The following UGT2B28 variants were observed in gnomAD, a reference collection of about 807,000 sequenced individuals.
The protein encoded by UGT2B28 is UDP-glucuronosyltransferase 2B28.
A neutral mutation model predicts 43.6 loss-of-function variants in UGT2B28; 45 were observed. The ratio of observed to expected loss-of-function variants is 1.03; its 90% confidence interval spans 0.81 to 1.32. UGT2B28 has a LOEUF of 1.32. UGT2B28 is among the 40% of genes most tolerant of loss of function. The pLI is 0.00. For missense variants in UGT2B28, 649 were observed against 625.5 expected (o/e 1.04, Z -0.40); for synonymous variants, 204 against 208.1 (o/e 0.98, Z 0.17).
At chr4:69,291,458 C>T (rs1229908926) in intron 5 of UGT2B28, among the ~76,000 whole-genome samples, 1 of 140,924 alleles carries the variant, frequency 7.1e-6, no homozygotes. Context: ...CTAGATATTT[C>T]ATATAAACGG....
At position 69,287,223 on chromosome 4, in the gene UGT2B28, C is replaced by G. The variant is rs1239788782; in HGVS notation, c.1002+340C>G. The stretch of plus-strand genomic sequence containing the variant: ...GTCATACATATGGCTGAAATTAACT[C>G]AATATATTTCAGGTAAGTGAAAATG... On this transcript the variant is annotated intron_variant, in intron 3 of 5. Coordinates refer to ENST00000335568, the MANE Select transcript of UGT2B28 (RefSeq NM_053039.2). Among the ~76,000 whole-genome samples, 6 of 140,740 alleles carry G rather than the reference C, an allele frequency of 4.3e-5. 1 individual carries two copies. The East Asian group carries it at 1.0e-3, about 24-fold the overall frequency. 92.3% of individuals were successfully genotyped at this position (140,740 alleles called of 152,430 possible).
intron 2 of UGT2B28, among the ~76,000 whole-genome samples, chr4:69,284,883 G>A (rs1288679407): frequency 1.4e-5 from 2 of 139,896 alleles, no homozygotes; most frequent in East Asian, 2.0e-4. Context: ...TTTTAAAAAT[G>A]CGTATTGTTA....
chr4:69,294,782 A>G lies in UGT2B28; in HGVS notation c.1563A>G (p.Arg521=). The G allele has an allele frequency of 3.9e-6, 6 of 1,558,394 alleles. No individual in the cohort carries two copies. Among genetic ancestry groups the G allele is most frequent in the Non-Finnish European group, 5.2e-6 (6 of 1,154,590 alleles). The change falls in exon 6 of 6, where the codon AGA becomes AGG. Residue 521 remains arginine (R), a synonymous_variant. Transcript: ENST00000335568. The part of the protein sequence containing the change: ...FCLFCFWKFA[R]KGKKGKRD ...TGTTTTGTTTCTGGAAGTTTGCTAG[A>G]AAAGGGAAGAAGGGAAAAAGAGATT...
chr4:69,290,727 A>G lies in UGT2B28; in HGVS notation c.1226A>G (p.Lys409Arg). ...QPDNIAHMKAKGAAVRLDFHT... is the reference protein window; with the variant it reads ...QPDNIAHMKARGAAVRLDFHT... ...GATAACATTGCTCACATGAAGGCCA[A>G]GGGAGCAGCTGTTAGACTGGACTTC... Residue 409 changes from lysine (K) to arginine (R), a missense_variant, in exon 5 of 6, where the codon AAG (lysine) becomes AGG (arginine). Lys to Arg is a conservative substitution (Grantham distance 26, BLOSUM62 2). Transcript: ENST00000335568. The G allele has an allele frequency of 6.4e-7, 1 of 1,559,776 alleles. No individual in the cohort carries two copies. The highest frequency in any genetic ancestry group is 8.7e-7 in the Non-Finnish European group (1 of 1,155,288).
intron 2 of UGT2B28, among the ~76,000 whole-genome samples, chr4:69,285,215 T>C (rs1309440623): frequency 2.1e-5 from 3 of 139,968 alleles, no homozygotes; most frequent in African/African-American, 8.4e-5. Context: ...CCTATATAAA[T>C]AGGACAAAAT....
In UGT2B28 at chr4:69,290,682, C is replaced by G. The variant is rs557930259; in HGVS notation, c.1181C>G (p.Pro394Arg). 1.3e-6 allele frequency: 2 copies of G among 1,559,392 alleles called. 1 individual carries two copies. Residue 394 changes from proline (P) to arginine (R), a missense_variant, in exon 5 of 6, where the codon CCA (proline) becomes CGA (arginine). Transcript: ENST00000335568. ...CATGGGATCCCTATGGTAGGCATTC[C>G]ATTGTTTTGGGATCAACCTGATAAC... ...IYHGIPMVGIPLFWDQPDNIA... is the reference protein window; with the variant it reads ...IYHGIPMVGIRLFWDQPDNIA...
chr4:69,280,797 C>T lies in UGT2B28; in HGVS notation c.297C>T (p.Asp99=), dbSNP rs942284808. 2 of 1,568,924 alleles carry T rather than the reference C, an allele frequency of 1.3e-6. No individual in the cohort carries two copies. Among genetic ancestry groups the T allele is most frequent in the Non-Finnish European group, 1.7e-6 (2 of 1,160,070 alleles). Reference sequence around the variant, plus strand: ...TGCAACAGGTTAAGAGATGGTCAGACATTCAAAAAGATAGCTTTTGGTTAT... The same window carrying T: ...TGCAACAGGTTAAGAGATGGTCAGATATTCAAAAAGATAGCTTTTGGTTAT... ...IIMQQVKRWS[D]IQKDSFWLYF... is the part of the protein sequence containing the mutation. Residue 99 remains aspartate (D), a synonymous_variant, in exon 1 of 6, where the codon GAC becomes GAT. Transcript: ENST00000335568.
rs146593078 is a variant in UGT2B28, at chr4:69,287,172, A to G, written c.1002+289A>G. On this transcript the variant is annotated intron_variant, in intron 3 of 5. Transcript: ENST00000335568. ...CACAAAAGGGAACTTGAGACCCATG[A>G]TTATTTTTAATTTCTGATATTAACA... Among the ~76,000 whole-genome samples, 396 of 140,344 alleles carry G rather than the reference A, an allele frequency of 2.8e-3. 77 individuals are homozygous for G. The highest frequency in any genetic ancestry group is 0.01 in the African/African-American group (362 of 35,936). The allele number at this position is 140,344 out of a possible 152,430, so 92.1% of individuals were successfully genotyped here.
intron 5 of UGT2B28, among the ~76,000 whole-genome samples, chr4:69,292,262 A>C (rs1269788711): frequency 2.1e-5 from 3 of 140,438 alleles, no homozygotes; most frequent in Non-Finnish European, 3.0e-5. Flanking sequence ...ACAATGTGAA[A>C]AATTCCTTGC....
rs1723823663 is a variant in UGT2B28 at position 69,287,820 on chromosome 4, A to G, written c.1002+937A>G. 1.4e-5 allele frequency among the ~76,000 whole-genome samples: 2 copies of G among 140,788 alleles called. 1 individual carries two copies. Among genetic ancestry groups the G allele is most frequent in the African/African-American group, 5.5e-5 (2 of 36,092 alleles). The allele number at this position is 140,788 out of a possible 152,430, so 92.4% of individuals were successfully genotyped here. The stretch of plus-strand genomic sequence containing the variant: ...AGGGACCTTTGTGTATTTGTGAATT[A>G]CTTTTTAATTTCCTATCTGATAAAG... On this transcript the variant is annotated intron_variant, in intron 3 of 5. Transcript: ENST00000335568.
At position 69,294,830 on chromosome 4, in the gene UGT2B28, T is replaced by A. The variant is rs761745107; in HGVS notation, c.*21T>A. 6.5e-7 allele frequency: 1 copy of A among 1,530,154 alleles called. No homozygotes were observed. The highest frequency in any genetic ancestry group is 1.9e-5 in the Admixed American group (1 of 52,858). The allele number at this position is 1,530,154 out of a possible 1,614,324, so 94.8% of individuals were successfully genotyped here. A position where few individuals can be genotyped will look rare whatever the true frequency, so the allele number is the denominator to read the frequency against. ...ATTAGTTATGTCTGACATTTGAAGC[T>A]GGAAAACCAGATAGATGGGTTGACA... On this transcript the variant is annotated 3_prime_UTR_variant, in exon 6 of 6. Coordinates refer to ENST00000335568, the MANE Select transcript of UGT2B28 (RefSeq NM_053039.2).
intron 4 of UGT2B28, 24 bp downstream of exon 4, chr4:69,289,776 T>C (rs1258972556): frequency 6.7e-7 from 1 of 1,501,164 alleles, no homozygotes; most frequent in South Asian, 1.3e-5. Context: ...GAACAAATAC[T>C]GGATATATTA....
Position 69,295,003 on chromosome 4 carries a change from G to A in UGT2B28, c.*194G>A, listed in dbSNP as rs1038527002. ...CCCAGGTAATGGTTAGAAATATTCT[G>A]TGGCAATGAAGAAAACACTAGGGAA... On this transcript the variant is annotated 3_prime_UTR_variant, in exon 6 of 6. Transcript: ENST00000335568. 4.7e-5 allele frequency: 32 copies of A among 680,216 alleles called. 2 individuals carry two copies. The highest frequency in any genetic ancestry group is 6.0e-5 in the Non-Finnish European group (29 of 487,066). The allele number at this position is 680,216 out of a possible 1,614,324, so 42.1% of individuals were successfully genotyped here.
intron 5 of UGT2B28, among the ~76,000 whole-genome samples, chr4:69,291,954 T>A (rs1370147862): frequency 7.1e-6 from 1 of 140,390 alleles, no homozygotes. Context: ...GGATTGCATT[T>A]TCATTACTGC....
chr4:69,290,370 G>A (rs149782023), intron 4 of UGT2B28, among the ~76,000 whole-genome samples: 2 of 139,554 alleles, frequency 1.4e-5, no homozygotes, highest in East Asian at 2.0e-4. Context: ...CATTAGTCCC[G>A]CTGAAAATCT....
At chr4:69,286,374 T>C (rs533882811) in intron 2 of UGT2B28, among the ~76,000 whole-genome samples, 1 of 140,738 alleles carries the variant, frequency 7.1e-6, no homozygotes, top group East Asian at 2.0e-4. Context: ...AAGAAAAATA[T>C]AGCATTAAAG....
intron 5 of UGT2B28, among the ~76,000 whole-genome samples, chr4:69,291,782 A>G (rs1723962842): frequency 1.4e-5 from 2 of 140,426 alleles, no homozygotes; most frequent in East Asian, 2.0e-4. Flanking sequence ...TATGTTTATG[A>G]AGAACTGCTA....
intron 3 of UGT2B28, among the ~76,000 whole-genome samples, chr4:69,287,360 C>T (rs545597651): frequency 7.1e-6 from 1 of 140,652 alleles, no homozygotes; most frequent in African/African-American, 2.8e-5. Flanking sequence ...TTCTTCAAAG[C>T]TGTTTTCCTA....
In UGT2B28 at chr4:69,291,699, G is replaced by A. The variant is rs1279519268; in HGVS notation, c.1310+888G>A. Among the ~76,000 whole-genome samples the A allele has an allele frequency of 1.1e-4, 14 of 133,138 alleles. 2 individuals carry two copies. Among genetic ancestry groups the A allele is most frequent in the Middle Eastern group, 7.3e-3 (2 of 274 alleles). 87.3% of individuals were successfully genotyped at this position (133,138 alleles called of 152,430 possible). A position where few individuals can be genotyped will look rare whatever the true frequency, so the allele number is the denominator to read the frequency against. On this transcript the variant is annotated intron_variant, in intron 5 of 5. Coordinates refer to ENST00000335568, the MANE Select transcript of UGT2B28 (RefSeq NM_053039.2). ...GGCTACTAAGAATATTGCTATACAT[G>A]TCTTTGCATAAACATGTTTTACTTT...
Sources: allele counts gnomAD v4.1 joint callset (sites outside exome capture counted in the v4.1 genomes callset), GRCh38; gene constraint gnomAD v4.1.1; transcripts MANE v1.5; gene names NCBI Gene and HGNC (gene_info 2026-07-23, HGNC 2026-07-21).